PHF21B: variants seen among roughly 807,000 people sequenced by gnomAD.
The protein encoded by PHF21B is PHD finger protein 21B.
Under a neutral mutation model 62.2 loss-of-function variants are expected in PHF21B, and 22 were observed. The ratio of observed to expected loss-of-function variants is 0.35; its 90% confidence interval spans 0.25 to 0.51. The LOEUF (loss-of-function observed/expected upper bound fraction) is 0.51. Ranked by LOEUF, PHF21B falls within the 20% of genes least tolerant of loss-of-function variation. The pLI is 0.97. For synonymous variants in PHF21B, 341 were observed against 314.7 expected (o/e 1.08, Z -0.88); for missense variants, 701 against 707.9 (o/e 0.99, Z 0.11).
rs1397747782 is a variant in PHF21B at position 44,881,756 on chromosome 22, C to A, written c.*1330G>T. The A allele has an allele frequency of 1.3e-5, 2 of 152,790 alleles. No individual in the cohort carries two copies. Among genetic ancestry groups the A allele is most frequent in the Admixed American group, 6.5e-5 (1 of 15,300 alleles). 9.5% of individuals were successfully genotyped at this position (152,790 alleles called of 1,614,324 possible). On this transcript the variant is annotated 3_prime_UTR_variant, in exon 13 of 13. Coordinates refer to ENST00000313237, the MANE Select transcript of PHF21B (RefSeq NM_138415.5). ...CCATGTGATATGCTCGGGGTGGGAG[C>A]CCGTGGCTCCTGGACGCTTATCCTG...
At chr22:44,907,644 G>C (rs906480763) in intron 5 of PHF21B, among the ~76,000 whole-genome samples, 2 of 152,230 alleles carry the variant, frequency 1.3e-5, no homozygotes, top group African/African-American at 4.8e-5. Context: ...GTCACGGGAA[G>C]GGCGGAACAC....
intron 2 of PHF21B, among the ~76,000 whole-genome samples, chr22:44,952,282 G>T (rs1259590448): frequency 6.6e-6 from 1 of 152,230 alleles, no homozygotes; most frequent in Non-Finnish European, 1.5e-5. Context: ...GTCGGAGGTT[G>T]CAGTGAGCCG....
chr22:44,973,530 C>G (rs570688216), intron 2 of PHF21B, among the ~76,000 whole-genome samples: 2 of 152,272 alleles, frequency 1.3e-5, no homozygotes, highest in Admixed American at 1.3e-4. Flanking sequence ...GCGAACTGCT[C>G]AAGCTGAGTG....
intron 2 of PHF21B, among the ~76,000 whole-genome samples, chr22:44,941,937 C>G (rs2071966391): frequency 6.6e-6 from 1 of 152,190 alleles, no homozygotes; most frequent in Admixed American, 6.5e-5. Context: ...AGACCCATCC[C>G]CCACCCCATC....
chr22:44,943,727 G>A (rs1010859764), intron 2 of PHF21B, among the ~76,000 whole-genome samples: 13 of 152,142 alleles, frequency 8.5e-5, no homozygotes, highest in African/African-American at 1.9e-4. Flanking sequence ...CTCCTGGGCC[G>A]TGTGACACTC....
intron 2 of PHF21B, among the ~76,000 whole-genome samples, chr22:44,993,897 A>G (rs936559048): frequency 1.2e-4 from 18 of 152,208 alleles, no homozygotes; most frequent in Non-Finnish European, 8.8e-5. Context: ...AAGAGCCACA[A>G]ACTAGAGGAA....
Position 44,882,854 on chromosome 22 carries a change from G to A in PHF21B, c.*232C>T, listed in dbSNP as rs535380996. On this transcript the variant is annotated 3_prime_UTR_variant, in exon 13 of 13. Coordinates refer to ENST00000313237, the MANE Select transcript of PHF21B (RefSeq NM_138415.5). ...GGGAGACTGTGTGCCCCAGCCTGTC[G>A]TACCCCACCTGGCTCCTAGGTACCC... is the stretch of plus-strand genomic sequence containing the variant. The A allele has an allele frequency of 2.0e-4, 105 of 521,850 alleles. 2 individuals are homozygous for A. The East Asian group carries it at 2.9e-3, about 15-fold the overall frequency. 32.3% of individuals were successfully genotyped at this position (521,850 alleles called of 1,614,324 possible). A position where few individuals can be genotyped will look rare whatever the true frequency, so the allele number is the denominator to read the frequency against.
chr22:45,005,700 C>G (rs2073302857), intron 2 of PHF21B, among the ~76,000 whole-genome samples: 1 of 152,202 alleles, frequency 6.6e-6, no homozygotes, highest in African/African-American at 2.4e-5. Context: ...ATTTTACTAT[C>G]TAGTTCATCA....
At chr22:44,921,928 G>T (rs2071545638) in intron 2 of PHF21B, among the ~76,000 whole-genome samples, 1 of 152,146 alleles carries the variant, frequency 6.6e-6, no homozygotes, top group African/African-American at 2.4e-5. Flanking sequence ...CAAAGTGCTG[G>T]GATTATAGGC....
intron 2 of PHF21B, among the ~76,000 whole-genome samples, chr22:44,964,934 A>T (rs1038464464): frequency 6.6e-6 from 1 of 152,074 alleles, no homozygotes; most frequent in African/African-American, 2.4e-5. Flanking sequence ...AACATCTCTG[A>T]GCCTTGGCTC....
chr22:45,003,206 CT>C (rs1176744898), intron 2 of PHF21B: 1 of 152,244 alleles, frequency 6.6e-6, no homozygotes. Context: ...AGGGGCTCCC[CT>C]AGGACAGTTA....
intron 2 of PHF21B, among the ~76,000 whole-genome samples, chr22:44,974,004 C>T (rs1415425757): frequency 6.6e-6 from 1 of 152,192 alleles, no homozygotes; most frequent in Admixed American, 6.5e-5. Context: ...ACACCCTGGC[C>T]AGGCTGACAC....
chr22:44,886,394 A>C (rs78045072), intron 10 of PHF21B, among the ~76,000 whole-genome samples: 1 of 2,158 alleles, frequency 4.6e-4, no homozygotes, highest in Non-Finnish European at 1.1e-3. Context: ...AGAAGAGGCA[A>C]AAAAAAAAAA....
chr22:44,937,910 C>T (rs375707930), intron 2 of PHF21B, among the ~76,000 whole-genome samples: 33 of 152,384 alleles, frequency 2.2e-4, no homozygotes, highest in African/African-American at 7.9e-4. Flanking sequence ...ACAGCGGGTG[C>T]TCTGCGGGAC....
At chr22:44,896,886 T>TTTTTTTTTTG (rs2071069650) in intron 5 of PHF21B, among the ~76,000 whole-genome samples, 1 of 143,056 alleles carries the variant, frequency 7.0e-6, no homozygotes. Flanking sequence ...ATCTGTTTTT[T>TTTTTTTTTTG]TTTTTTTTTT....
At chr22:45,007,966 A>G (rs2073356452) in intron 2 of PHF21B, among the ~76,000 whole-genome samples, 1 of 151,096 alleles carries the variant, frequency 6.6e-6, no homozygotes, top group South Asian at 2.1e-4. Context: ...GTCCCCAACT[A>G]CACCTAACGC....
intron 2 of PHF21B, among the ~76,000 whole-genome samples, chr22:44,986,023 C>G (rs1021455604): frequency 6.6e-6 from 1 of 151,568 alleles, no homozygotes; most frequent in Non-Finnish European, 1.5e-5. Flanking sequence ...AGCAGCAGCA[C>G]CACCATCACC....
At chr22:44,886,788 C>G (rs182859969) in intron 10 of PHF21B, among the ~76,000 whole-genome samples, 1 of 152,178 alleles carries the variant, frequency 6.6e-6, no homozygotes, top group African/African-American at 2.4e-5. Flanking sequence ...CCCACCATAT[C>G]CACAGCCTTT....
At chr22:44,942,704 G>A (rs889166020) in intron 2 of PHF21B, among the ~76,000 whole-genome samples, 1 of 152,174 alleles carries the variant, frequency 6.6e-6, no homozygotes, top group African/African-American at 2.4e-5. Flanking sequence ...CCTGAGCTGA[G>A]GCCCAGCGCA....
Sources: allele counts gnomAD v4.1 joint callset (sites outside exome capture counted in the v4.1 genomes callset), GRCh38; gene constraint gnomAD v4.1.1; transcripts MANE v1.5; gene names NCBI Gene and HGNC (gene_info 2026-07-23, HGNC 2026-07-21).